The following FAM13B variants were observed in gnomAD, a reference collection of about 807,000 sequenced individuals.
FAM13B encodes protein FAM13B.
In FAM13B, 60 loss-of-function variants were observed where a neutral mutation model predicts 117.3. That is an observed-to-expected ratio of 0.51 (90% CI 0.42 to 0.63). The LOEUF (loss-of-function observed/expected upper bound fraction) is 0.63, where lower values mean the gene tolerates loss of function less well. FAM13B is among the 30% of genes least tolerant of loss of function. The pLI is 0.00. For synonymous variants in FAM13B, 332 were observed against 356.1 expected, an observed-to-expected ratio of 0.93 and a Z score of 0.76; for missense variants, 972 against 1,091.9, an observed-to-expected ratio of 0.89 and a Z score of 1.55.
At chr5:138,045,922 G>A (rs951355253) in intron 1 of FAM13B, among the ~76,000 whole-genome samples, 1 of 147,528 alleles carries the variant, frequency 6.8e-6, no homozygotes, top group Admixed American at 6.9e-5. Context: ...TCCCACTTGG[G>A]CAACAAGAGT....
chr5:137,974,619 TA>T (rs1160488133), intron 10 of FAM13B, among the ~76,000 whole-genome samples: 1 of 60,306 alleles, frequency 1.7e-5, no homozygotes, highest in African/African-American at 6.5e-5. Context: ...TAATAATAAA[TA>T]AAAAAAAGAA....
intron 1 of FAM13B, among the ~76,000 whole-genome samples, chr5:138,043,748 C>G (rs934143517): frequency 2.0e-5 from 3 of 150,112 alleles, no homozygotes; most frequent in African/African-American, 7.3e-5. Context: ...TCTTTTTTTT[C>G]TTTTTTTAAC....
At chr5:137,968,679 G>A (rs1281110750) in intron 10 of FAM13B, among the ~76,000 whole-genome samples, 1 of 152,192 alleles carries the variant, frequency 6.6e-6, no homozygotes, top group Non-Finnish European at 1.5e-5. Context: ...GGTGATTTCT[G>A]CATTTCCATC....
intron 13 of FAM13B, among the ~76,000 whole-genome samples, chr5:137,956,760 G>A (rs1298757826): frequency 2.0e-5 from 3 of 150,756 alleles, no homozygotes; most frequent in Admixed American, 1.3e-4. Context: ...GCAAAAAAGG[G>A]GGGGGAAAAC....
chr5:137,980,031 G>A (rs1168556564), intron 10 of FAM13B, among the ~76,000 whole-genome samples: 2 of 151,380 alleles, frequency 1.3e-5, no homozygotes, highest in Non-Finnish European at 2.9e-5. Context: ...AAATTAGCCG[G>A]GCGTGGTGGC....
At chr5:137,952,287 A>G (rs1765251671) in intron 17 of FAM13B, among the ~76,000 whole-genome samples, 1 of 152,190 alleles carries the variant, frequency 6.6e-6, no homozygotes, top group Non-Finnish European at 1.5e-5. Context: ...TGAAATATCC[A>G]ACAAAACTCA....
At position 137,939,939 on chromosome 5, in the gene FAM13B, CTT is replaced by C. The variant is rs1473439424; in HGVS notation, c.*284_*285del. 2.9e-6 allele frequency: 4 copies of C among 1,362,070 alleles called. No homozygotes were observed. The highest frequency in any genetic ancestry group is 3.8e-6 in the Non-Finnish European group (4 of 1,054,426). The allele number at this position is 1,362,070 out of a possible 1,614,324, so 84.4% of individuals were successfully genotyped here. ...GAAGTTGAAAGGATAAAATTCCAGT[CTT>C]TTGCTAAAAGGATGTATCTGTAGTA... On this transcript the variant is annotated 3_prime_UTR_variant, in exon 24 of 24. Coordinates refer to ENST00000689681, the MANE Select transcript of FAM13B (RefSeq NM_001385994.1).
chr5:138,013,874 T>C (rs1302456888), intron 4 of FAM13B, among the ~76,000 whole-genome samples: 1 of 152,186 alleles, frequency 6.6e-6, no homozygotes, highest in African/African-American at 2.4e-5. Flanking sequence ...CCTATCCATA[T>C]GTTTATTTTT....
chr5:138,006,546 T>G (rs1467211407), intron 7 of FAM13B, among the ~76,000 whole-genome samples: 1 of 152,226 alleles, frequency 6.6e-6, no homozygotes, highest in Non-Finnish European at 1.5e-5. Flanking sequence ...TTACCCAGCA[T>G]GCCATGTAAA....
chr5:138,034,276 C>T (rs1561554961), upstream of FAM13B, among the ~76,000 whole-genome samples: 1 of 152,244 alleles, frequency 6.6e-6, no homozygotes, highest in Non-Finnish European at 1.5e-5. Context: ...GATTCACTCA[C>T]TCATTCAACA....
At chr5:137,989,597 G>A (rs1214047952) in intron 7 of FAM13B, among the ~76,000 whole-genome samples, 3 of 152,120 alleles carry the variant, frequency 2.0e-5, no homozygotes, top group African/African-American at 7.2e-5. Flanking sequence ...GACCGAAGCT[G>A]GAGGTTCACT....
intron 10 of FAM13B, among the ~76,000 whole-genome samples, chr5:137,979,884 A>G (rs996107655): frequency 1.3e-5 from 2 of 151,882 alleles, no homozygotes; most frequent in African/African-American, 4.8e-5. Flanking sequence ...TAAATCGACC[A>G]GGCACGGTGG....
rs1190041241 is a variant in FAM13B, at chr5:137,962,286, TTTAAGA to T, written c.1244+113_1244+118del. The T allele has an allele frequency of 7.7e-6, 6 of 775,376 alleles. No individual in the cohort carries two copies. The African/African-American group carries it at 8.8e-5, about 11-fold the overall frequency. 48.0% of individuals were successfully genotyped at this position (775,376 alleles called of 1,614,324 possible). A position where few individuals can be genotyped will look rare whatever the true frequency, so the allele number is the denominator to read the frequency against. The stretch of plus-strand genomic sequence containing the variant: ...GCCTACCATTATAACAAGAAGGCTG[TTTAAGA>T]TTATCTAAACTATATATTTATAATG... On this transcript the variant is annotated intron_variant, in intron 11 of 23. Transcript: ENST00000689681.
chr5:137,956,486 C>T lies in FAM13B; in HGVS notation c.1498G>A (p.Asp500Asn). The change falls in exon 14 of 24, where the codon GAT (aspartate) becomes AAT (asparagine). Residue 500 changes from aspartate to asparagine, a missense_variant. Coordinates refer to ENST00000689681, the MANE Select transcript of FAM13B (RefSeq NM_001385994.1). ...GGTGAACCATACTTACCCTCCCCATCTCTCTGCAGATGCATTGTTTTGAAA... is the reference window on the plus strand; with the variant it reads ...GGTGAACCATACTTACCCTCCCCATTTCTCTGCAGATGCATTGTTTTGAAA... ...IDFKTMHLQR[D>N]GEEPFPAFKS... 1 of 1,599,130 alleles carries T rather than the reference C, an allele frequency of 6.3e-7. No homozygotes were observed. The highest frequency in any genetic ancestry group is 8.5e-7 in the Non-Finnish European group (1 of 1,172,168).
chr5:137,969,308 C>T (rs1293445238), intron 10 of FAM13B, among the ~76,000 whole-genome samples: 1 of 152,214 alleles, frequency 6.6e-6, no homozygotes, highest in Non-Finnish European at 1.5e-5. Context: ...TGACCCTTGA[C>T]CCCCAAGCAG....
Position 138,032,865 on chromosome 5 carries a change from C to T in FAM13B, c.-286G>A, listed in dbSNP as rs868720990. ...ACGGCAAGAGGGCGAGAACTGAGGC[C>T]CCAAGTGGCTCCGCGGCCGAGAAGC... On this transcript the variant is annotated 5_prime_UTR_variant, in exon 1 of 24. Transcript: ENST00000689681. The T allele has an allele frequency of 3.6e-5, 35 of 985,720 alleles. No individual in the cohort carries two copies. The African/African-American group carries it at 5.6e-4, about 16-fold the overall frequency. The allele number at this position is 985,720 out of a possible 1,614,324, so 61.1% of individuals were successfully genotyped here. A position where few individuals can be genotyped will look rare whatever the true frequency, so the allele number is the denominator to read the frequency against.
At chr5:137,969,951 G>A (rs2150382060) in intron 10 of FAM13B, among the ~76,000 whole-genome samples, 1 of 152,248 alleles carries the variant, frequency 6.6e-6, no homozygotes, top group East Asian at 1.9e-4. Flanking sequence ...CAAGAAATAT[G>A]GGACTATGTG....
chr5:138,043,502 C>A (rs942886832), intron 1 of FAM13B, among the ~76,000 whole-genome samples: 2 of 144,946 alleles, frequency 1.4e-5, no homozygotes, highest in Non-Finnish European at 3.0e-5. Context: ...TGCAGTGGTG[C>A]GATCTCGGCT....
intron 10 of FAM13B, among the ~76,000 whole-genome samples, chr5:137,964,581 C>T (rs1295650842): frequency 1.3e-5 from 2 of 150,826 alleles, no homozygotes; most frequent in East Asian, 4.1e-4. Flanking sequence ...ATTAGCCGGG[C>T]GTGGTAGCAC....
Sources: gnomAD v4.1 joint callset for allele counts (sites outside exome capture counted in the v4.1 genomes callset) on GRCh38, gnomAD v4.1.1 for gene constraint, MANE v1.5 for transcripts, NCBI Gene and HGNC (gene_info 2026-07-23, HGNC 2026-07-21) for gene names.